GPC5: variants seen among roughly 807,000 people sequenced by gnomAD.
GPC5 encodes the protein glypican-5.
GPC5 carries 47 observed loss-of-function variants against 53.9 expected under a neutral mutation model. That is an observed-to-expected ratio of 0.87 (90% CI 0.69 to 1.11). The LOEUF is 1.11. GPC5 is among the 50% of genes most tolerant of loss of function. GPC5 has a pLI of 0.00. For missense variants in GPC5, 748 were observed against 713.1 expected (o/e 1.05, Z -0.56); for synonymous variants, 286 against 263.3 (o/e 1.09, Z -0.84).
intron 6 of GPC5, among the ~76,000 whole-genome samples, chr13:91,958,940 A>G (rs1411098196): frequency 6.6e-6 from 1 of 152,004 alleles, no homozygotes; most frequent in African/African-American, 2.4e-5. Flanking sequence ...TAAGATTTCA[A>G]ATAAATAATC....
intron 6 of GPC5, among the ~76,000 whole-genome samples, chr13:92,002,775 G>T (rs2040567260): frequency 6.6e-6 from 1 of 152,134 alleles, no homozygotes; most frequent in South Asian, 2.1e-4. Context: ...ACAGGCTGGT[G>T]TATCTTAATT....
At chr13:92,022,806 C>A (rs1000027488) in intron 6 of GPC5, among the ~76,000 whole-genome samples, 1 of 151,590 alleles carries the variant, frequency 6.6e-6, no homozygotes, top group Admixed American at 6.6e-5. Context: ...AAAATAACAT[C>A]CTTGATATAA....
intron 7 of GPC5, among the ~76,000 whole-genome samples, chr13:92,302,221 A>C (rs1268897822): frequency 6.6e-6 from 1 of 152,046 alleles, no homozygotes; most frequent in Non-Finnish European, 1.5e-5. Flanking sequence ...TATTATACTT[A>C]ACAGTGATTT....
chr13:92,782,058 TGAAGGGGAAGGGAACGG>T (rs758927657), intron 7 of GPC5, among the ~76,000 whole-genome samples: 19 of 112,010 alleles, frequency 1.7e-4, no homozygotes, highest in African/African-American at 4.2e-4. Context: ...GGAAGGGAAG[TGAAGGGGAAGGGAACGG>T]GAAGGGGAGG....
At chr13:91,413,583 C>T (rs2138952209) in intron 1 of GPC5, among the ~76,000 whole-genome samples, 1 of 152,334 alleles carries the variant, frequency 6.6e-6, no homozygotes, top group African/African-American at 2.4e-5. Flanking sequence ...TTATAAATGT[C>T]ATTCACACTT....
intron 7 of GPC5, among the ~76,000 whole-genome samples, chr13:92,799,177 T>A (rs952139204): frequency 1.3e-5 from 2 of 151,756 alleles, no homozygotes; most frequent in African/African-American, 2.4e-5. Flanking sequence ...AATACGTAAG[T>A]GGGAAGGTGG....
chr13:92,611,451 G>A (rs1884432977), intron 7 of GPC5, among the ~76,000 whole-genome samples: 1 of 152,004 alleles, frequency 6.6e-6, no homozygotes, highest in Admixed American at 6.6e-5. Flanking sequence ...GGATCCTTAA[G>A]GCTAAAAGAT....
At position 91,993,358 on chromosome 13, in the gene GPC5, C is replaced by CT. The variant is rs371568020; in HGVS notation, c.1401+85311dup. Among the ~76,000 whole-genome samples, 32 of 149,142 alleles carry CT rather than the reference C, an allele frequency of 2.1e-4. 1 individual carries two copies. In the South Asian group the frequency reaches 3.8e-3, roughly 18 times the overall value. On this transcript the variant is annotated intron_variant, in intron 6 of 7. Transcript: ENST00000377067. ...CCTCATAACTTGAAACTGCGTATACCTTTTTTTTTTCCTCCAGAAATCAAC... is the reference window on the plus strand; with the variant it reads ...CCTCATAACTTGAAACTGCGTATACCTTTTTTTTTTTCCTCCAGAAATCAAC...
At chr13:91,974,384 C>T (rs1316026582) in intron 6 of GPC5, among the ~76,000 whole-genome samples, 2 of 152,094 alleles carry the variant, frequency 1.3e-5, no homozygotes, top group African/African-American at 4.8e-5. Flanking sequence ...TGTCTCAGCT[C>T]AAAATCTCCT....
At chr13:92,744,761 G>A (rs1015352806) in intron 7 of GPC5, among the ~76,000 whole-genome samples, 1 of 151,962 alleles carries the variant, frequency 6.6e-6, no homozygotes, top group African/African-American at 2.4e-5. Flanking sequence ...CTAGGGAAGA[G>A]AATAAGCCTA....
chr13:92,121,308 G>T (rs1445800377), intron 6 of GPC5, among the ~76,000 whole-genome samples: 1 of 152,120 alleles, frequency 6.6e-6, no homozygotes, highest in African/African-American at 2.4e-5. Flanking sequence ...GAAAGTTCTG[G>T]TTCAGGTCTG....
intron 7 of GPC5, among the ~76,000 whole-genome samples, chr13:92,275,393 A>G (rs2042868231): frequency 6.6e-6 from 1 of 152,144 alleles, no homozygotes; most frequent in Non-Finnish European, 1.5e-5. Flanking sequence ...ATATAACTTT[A>G]ATGATACACA....
chr13:92,224,002 G>C (rs1292830765), intron 7 of GPC5, among the ~76,000 whole-genome samples: 1 of 151,958 alleles, frequency 6.6e-6, no homozygotes, highest in African/African-American at 2.4e-5. Flanking sequence ...TAAGCATCTA[G>C]TATACACGCA....
At chr13:91,567,268 GTGTGCC>G (rs2031576491) in intron 2 of GPC5, among the ~76,000 whole-genome samples, 1 of 152,142 alleles carries the variant, frequency 6.6e-6, no homozygotes, top group African/African-American at 2.4e-5. Context: ...ATTTGTGTAT[GTGTGCC>G]TGTGCGTATG....
At chr13:92,719,911 C>G in intron 7 of GPC5, 1 of 152,184 alleles carries the variant, frequency 6.6e-6, no homozygotes, top group Non-Finnish European at 1.5e-5. Context: ...TGAATACCTT[C>G]CCTTTCCCTC....
chr13:91,451,904 C>A (rs1053242654), intron 2 of GPC5, among the ~76,000 whole-genome samples: 3 of 152,096 alleles, frequency 2.0e-5, no homozygotes, highest in African/African-American at 7.2e-5. Context: ...GTGTGAGCCA[C>A]CATGCCCAGC....
At chr13:92,258,627 A>ATATT (rs1488711852) in intron 7 of GPC5, among the ~76,000 whole-genome samples, 1 of 152,218 alleles carries the variant, frequency 6.6e-6, no homozygotes, top group Non-Finnish European at 1.5e-5. Context: ...AGGAGTTAAT[A>ATATT]GTCTAGGTTC....
intron 1 of GPC5, among the ~76,000 whole-genome samples, chr13:91,437,843 A>T (rs1301104009): frequency 6.6e-6 from 1 of 152,126 alleles, no homozygotes; most frequent in Admixed American, 6.6e-5. Context: ...TATTTCTTGG[A>T]GGCTTTGTTC....
chr13:92,134,165 C>T (rs1454650644), intron 6 of GPC5, among the ~76,000 whole-genome samples: 1 of 152,144 alleles, frequency 6.6e-6, no homozygotes, highest in East Asian at 1.9e-4. Context: ...AATTTATTCA[C>T]TTGTTTGCCT....
Sources: gnomAD v4.1 joint callset for allele counts (sites outside exome capture counted in the v4.1 genomes callset) on GRCh38, gnomAD v4.1.1 for gene constraint, MANE v1.5 for transcripts, NCBI Gene and HGNC (gene_info 2026-07-23, HGNC 2026-07-21) for gene names.